Variants in USP9X observed in about 807,000 individuals in gnomAD.
The protein encoded by USP9X is ubiquitin specific peptidase 9 X-linked.
USP9X carries 7 observed loss-of-function variants against 190.3 expected under a neutral mutation model. That is an observed-to-expected ratio of 0.04 (90% confidence interval 0.02 to 0.07). The LOEUF (loss-of-function observed/expected upper bound fraction) is 0.07, where lower values mean the gene tolerates loss of function less well. Ranked by LOEUF, USP9X falls within the 10% of genes least tolerant of loss-of-function variation. The pLI is 1.00. For synonymous variants in USP9X, 645 were observed against 659.5 expected, an observed-to-expected ratio of 0.98 and a Z score of 0.34; for missense variants, 1,010 against 1,916.9, an observed-to-expected ratio of 0.53 and a Z score of 8.83.
intron 1 of USP9X, among the ~76,000 whole-genome samples, chrX:41,117,230 T>G (rs1457436374): frequency 2.7e-5 from 3 of 111,490 alleles, no homozygotes; most frequent in Admixed American, 9.6e-5. Context: ...TAGAGAAAGG[T>G]GTTTTGAGAG....
At chrX:41,216,917 C>T (rs2063217285) in intron 35 of USP9X, among the ~76,000 whole-genome samples, 2 of 110,024 alleles carry the variant, frequency 1.8e-5, no homozygotes, top group Non-Finnish European at 3.8e-5. Context: ...GTGGCATGCA[C>T]CTGTAGTCCC....
Position 41,232,500 on chromosome X carries a change from C to G in USP9X, c.7641C>G (p.Ser2547=). The G allele has an allele frequency of 8.3e-7, 1 of 1,210,768 alleles. No homozygotes were observed. Among genetic ancestry groups the G allele is most frequent in the Non-Finnish European group, 1.1e-6 (1 of 895,024 alleles). Residue 2547 remains serine, a synonymous_variant, in exon 45 of 45, where the codon TCC becomes TCG. Coordinates refer to ENST00000378308, the MANE Select transcript of USP9X (RefSeq NM_001039591.3). ...QENYEGSEEV[S]PPQTKDQ ...ATTATGAAGGCAGTGAAGAAGTATC[C>G]CCACCTCAAACCAAGGATCAATGAA...
At chrX:41,178,909 A>G in intron 21 of USP9X, among the ~76,000 whole-genome samples, 1 of 112,031 alleles carries the variant, frequency 8.9e-6, no homozygotes, top group Middle Eastern at 4.7e-3. Flanking sequence ...ATAGGGGTTT[A>G]GTTTCATTTT....
chrX:41,108,761 TTC>T (rs2062087291), intron 1 of USP9X, among the ~76,000 whole-genome samples: 1 of 111,842 alleles, frequency 8.9e-6, no homozygotes, highest in South Asian at 3.7e-4. Context: ...ACACCTCTGC[TTC>T]TTGAGCAGGG....
At chrX:41,149,479 G>A (rs774393526) in intron 12 of USP9X, among the ~76,000 whole-genome samples, 39 of 109,929 alleles carry the variant, frequency 3.5e-4, no homozygotes, top group African/African-American at 1.3e-3. Flanking sequence ...ATTTTTAAAA[G>A]TCATTTTCCA....
At chrX:41,088,911 AGTGCATTGGACCTCAACCCTGACTG>A (rs2061932962) in intron 1 of USP9X, among the ~76,000 whole-genome samples, 1 of 111,698 alleles carries the variant, frequency 9.0e-6, no homozygotes, top group Non-Finnish European at 1.9e-5. Flanking sequence ...GGAAAGAGTT[AGTGCATTGGACCTCAACCCTGACTG>A]GACATGAGAA....
chrX:41,130,378 G>A (rs2062298383), intron 3 of USP9X, among the ~76,000 whole-genome samples: 1 of 110,289 alleles, frequency 9.1e-6, no homozygotes, highest in African/African-American at 3.3e-5. Flanking sequence ...GGTGGTTGGT[G>A]ATTGGTAATA....
At chrX:41,228,613 A>G (rs1340306747) in intron 41 of USP9X, among the ~76,000 whole-genome samples, 4 of 70,836 alleles carry the variant, frequency 5.6e-5, no homozygotes, top group African/African-American at 2.1e-4. Flanking sequence ...TACAGCAGTC[A>G]TAAACTTAGT....
intron 1 of USP9X, among the ~76,000 whole-genome samples, chrX:41,100,045 C>T (rs2062023647): frequency 8.9e-6 from 1 of 112,162 alleles, no homozygotes; most frequent in Admixed American, 9.5e-5. Flanking sequence ...TACCCCCTTC[C>T]ATTTTGATGC....
chrX:41,137,103 AG>A (rs2062381209), intron 6 of USP9X, 81 bp downstream of exon 6: 1 of 920,853 alleles, frequency 1.1e-6, no homozygotes, highest in African/African-American at 2.0e-5. Context: ...CTGTATTTAA[AG>A]TGTGACAATG....
chrX:41,132,447 G>A (rs889359081), intron 4 of USP9X, among the ~76,000 whole-genome samples: 5 of 108,940 alleles, frequency 4.6e-5, no homozygotes, highest in Non-Finnish European at 5.7e-5. Flanking sequence ...GGGATTACAG[G>A]CGCCCACCAC....
chrX:41,177,154 T>G (rs1020409844), intron 21 of USP9X, among the ~76,000 whole-genome samples: 1 of 112,170 alleles, frequency 8.9e-6, no homozygotes, highest in African/African-American at 3.2e-5. Context: ...TAACATAGTA[T>G]TATTCAAAAT....
Position 41,235,138 on chromosome X carries a change from C to T in USP9X, c.*2614C>T, listed in dbSNP as rs1248972892. 1.8e-5 allele frequency: 2 copies of T among 112,017 alleles called. No individual in the cohort carries two copies. Among genetic ancestry groups the T allele is most frequent in the African/African-American group, 6.5e-5 (2 of 30,744 alleles). 9.2% of individuals were successfully genotyped at this position (112,017 alleles called of 1,213,427 possible). A position where few individuals can be genotyped will look rare whatever the true frequency, so the allele number is the denominator to read the frequency against. ...TTTGAAGTTACAAGCCCCCTTGTGC[C>T]AGGTGAGGGGCTTGTGAGTCATTTT... is the stretch of plus-strand genomic sequence containing the variant. On this transcript the variant is annotated 3_prime_UTR_variant, in exon 45 of 45. Transcript: ENST00000378308.
At chrX:41,230,101 T>C (rs2063346907) in intron 43 of USP9X, among the ~76,000 whole-genome samples, 1 of 111,454 alleles carries the variant, frequency 9.0e-6, no homozygotes, top group African/African-American at 3.3e-5. Flanking sequence ...CTTGGGAGGC[T>C]GAGGCTGGAG....
intron 1 of USP9X, among the ~76,000 whole-genome samples, chrX:41,105,619 ATTTG>A (rs1165650679): frequency 1.8e-5 from 2 of 112,057 alleles, no homozygotes; most frequent in South Asian, 3.7e-4. Context: ...GTGTACAAGT[ATTTG>A]TTCAAGTCCC....
At chrX:41,110,557 G>T (rs1176310872) in intron 1 of USP9X, among the ~76,000 whole-genome samples, 2 of 111,608 alleles carry the variant, frequency 1.8e-5, no homozygotes, top group African/African-American at 3.3e-5. Flanking sequence ...TTGACAGCCT[G>T]TAGTCCTCTG....
rs751845660 is a variant in USP9X at position 41,162,896 on chromosome X, G to T, written c.1985+19G>T. 2.0e-5 allele frequency: 23 copies of T among 1,151,123 alleles called. No homozygotes were observed. The East Asian group carries it at 5.7e-4, about 29-fold the overall frequency. The allele number at this position is 1,151,123 out of a possible 1,213,427, so 94.9% of individuals were successfully genotyped here. Reference sequence around the variant, plus strand: ...TCCTTAGGTTTGTTTTATACAGTTAGTGTTGCTCTCTTTAAGAAAAAGATA... The same window carrying T: ...TCCTTAGGTTTGTTTTATACAGTTATTGTTGCTCTCTTTAAGAAAAAGATA... On this transcript the variant is annotated intron_variant, in intron 15 of 44. Transcript: ENST00000378308.
At chrX:41,150,737 T>C (rs1295984725) in intron 12 of USP9X, among the ~76,000 whole-genome samples, 184 bp from the exon 13 acceptor site, 1 of 112,117 alleles carries the variant, frequency 8.9e-6, no homozygotes, top group Non-Finnish European at 1.9e-5. Flanking sequence ...TGGTAGTAAG[T>C]GTGAAATAAA....
At chrX:41,217,184 TAAA>T (rs1415394668) in intron 35 of USP9X, 33 bp from the exon 36 acceptor site, 2 of 1,164,178 alleles carry the variant, frequency 1.7e-6, no homozygotes, top group East Asian at 6.2e-5. Flanking sequence ...GGTTGGAAAA[TAAA>T]AATGTGTTTT....
Sources: allele counts gnomAD v4.1 joint callset (sites outside exome capture counted in the v4.1 genomes callset), GRCh38; gene constraint gnomAD v4.1.1; transcripts MANE v1.5; gene names NCBI Gene and HGNC (gene_info 2026-07-23, HGNC 2026-07-21).